The following PRELID2 variants were observed in gnomAD, a reference collection of about 807,000 sequenced individuals.
PRELID2 encodes the protein PRELI domain containing 2.
Under a neutral mutation model 28.4 loss-of-function variants are expected in PRELID2, and 25 were observed. The observed-to-expected ratio is 0.88, with a 90% CI of 0.64 to 1.23. PRELID2 has a LOEUF of 1.23. Among genes scored for constraint, PRELID2 ranks in the 50% most tolerant of loss-of-function variants. The pLI is 0.00. For missense variants in PRELID2, 201 were observed against 214.4 expected (o/e 0.94, Z 0.39); for synonymous variants, 76 against 71.6 (o/e 1.06, Z -0.31).
the PRELID2 span, among the ~76,000 whole-genome samples, chr5:145,385,821 C>G: frequency 6.6e-6 from 1 of 152,056 alleles, no homozygotes; most frequent in Non-Finnish European, 1.5e-5. Flanking sequence ...TTTATGAATT[C>G]TTCATAAAGC....
intron 1 of PRELID2, among the ~76,000 whole-genome samples, chr5:145,641,345 G>T (rs1055513666): frequency 6.6e-6 from 1 of 152,238 alleles, no homozygotes; most frequent in South Asian, 2.1e-4. Flanking sequence ...AGGTCTTAAA[G>T]AGAGAAAATC....
intron 5 of PRELID2, among the ~76,000 whole-genome samples, chr5:145,787,256 A>T (rs1026816790): frequency 6.6e-6 from 1 of 152,258 alleles, no homozygotes; most frequent in African/African-American, 2.4e-5. Flanking sequence ...GGCTAAAAAA[A>T]GAATGCTTGC....
chr5:145,440,845 A>T, the PRELID2 span: 4 of 152,058 alleles, frequency 2.6e-5, no homozygotes, highest in Non-Finnish European at 5.9e-5. Flanking sequence ...GGAAAATTAT[A>T]CATCTCAACA....
At chr5:145,371,296 C>T in the PRELID2 span, among the ~76,000 whole-genome samples, 60 of 152,104 alleles carry the variant, frequency 3.9e-4, no homozygotes, top group Non-Finnish European at 7.8e-4. Context: ...CCATTAATAC[C>T]TAGTTTATTG....
intron 1 of PRELID2, among the ~76,000 whole-genome samples, chr5:145,610,872 T>C (rs567980861): frequency 3.9e-5 from 6 of 152,010 alleles, no homozygotes; most frequent in African/African-American, 1.4e-4. Context: ...ATTCTTCTTT[T>C]TGAAATCAGG....
At chr5:145,264,100 T>C in the PRELID2 span, among the ~76,000 whole-genome samples, 1 of 152,092 alleles carries the variant, frequency 6.6e-6, no homozygotes, top group African/African-American at 2.4e-5. Flanking sequence ...ATCCTATCAA[T>C]GCTATTCTAA....
the PRELID2 span, among the ~76,000 whole-genome samples, chr5:145,374,826 T>C: frequency 1.3e-5 from 2 of 152,202 alleles, no homozygotes; most frequent in Non-Finnish European, 2.9e-5. Context: ...GTTTTTCAGC[T>C]CCATCAGGTC....
chr5:145,743,392 T>C (rs1338810003), intron 1 of PRELID2, among the ~76,000 whole-genome samples: 3 of 121,522 alleles, frequency 2.5e-5, no homozygotes, highest in African/African-American at 9.8e-5. Flanking sequence ...GACTGGGCAA[T>C]GAGAGTGAAA....
intron 1 of PRELID2, among the ~76,000 whole-genome samples, chr5:145,553,567 T>C (rs1752855939): frequency 6.6e-6 from 1 of 152,210 alleles, no homozygotes; most frequent in Non-Finnish European, 1.5e-5. Context: ...ACAATTAAAG[T>C]ACCCATCACT....
intron 1 of PRELID2, among the ~76,000 whole-genome samples, chr5:145,560,936 G>C (rs1752920309): frequency 6.6e-6 from 1 of 151,876 alleles, no homozygotes; most frequent in South Asian, 2.1e-4. Flanking sequence ...ACAGCTGTCT[G>C]TTTACCATCC....
At chr5:145,691,385 C>T (rs1654142) in intron 1 of PRELID2, among the ~76,000 whole-genome samples, 151,320 of 152,310 alleles carry the variant, frequency 0.99, 75,171 homozygotes, top group Middle Eastern at 1. Context: ...CAAGCCTAAC[C>T]GTAGAATCCC....
chr5:145,690,206 C>T (rs1231307509), intron 1 of PRELID2, among the ~76,000 whole-genome samples: 3 of 151,926 alleles, frequency 2.0e-5, no homozygotes, highest in Admixed American at 1.3e-4. Context: ...TGCCCCCGGC[C>T]GGTCTTGAAC....
intron 1 of PRELID2, among the ~76,000 whole-genome samples, chr5:145,592,244 G>A (rs867725943): frequency 1.3e-5 from 2 of 151,938 alleles, no homozygotes; most frequent in African/African-American, 4.8e-5. Flanking sequence ...GCGAAACCCC[G>A]TTTCTACTAA....
At chr5:145,639,685 A>G (rs1465021246) in intron 1 of PRELID2, among the ~76,000 whole-genome samples, 2 of 152,280 alleles carry the variant, frequency 1.3e-5, no homozygotes, top group East Asian at 1.9e-4. Context: ...CAATGTTGGG[A>G]AAGTGCGTTG....
At chr5:145,406,801 G>A in the PRELID2 span, among the ~76,000 whole-genome samples, 36 of 151,198 alleles carry the variant, frequency 2.4e-4, no homozygotes, top group Non-Finnish European at 4.0e-4. Flanking sequence ...ATTCCCACTG[G>A]AGAATCTGAA....
At chr5:145,557,674 T>A (rs1473496805) in intron 1 of PRELID2, among the ~76,000 whole-genome samples, 1 of 152,192 alleles carries the variant, frequency 6.6e-6, no homozygotes, top group Admixed American at 6.5e-5. Flanking sequence ...GCCAGGTAAC[T>A]GTCTAAATGC....
chr5:145,335,618 A>G, the PRELID2 span, among the ~76,000 whole-genome samples: 17 of 152,218 alleles, frequency 1.1e-4, no homozygotes, highest in African/African-American at 4.1e-4. Context: ...ACAAGAAACA[A>G]AAAGGGAAAA....
the PRELID2 span, among the ~76,000 whole-genome samples, chr5:145,414,506 T>C: frequency 5.3e-3 from 813 of 152,310 alleles, 18 homozygotes; most frequent in Admixed American, 4.3e-3. Context: ...TCTCAGTCTG[T>C]GAAGACAGAA....
chr5:145,818,967 G>A (rs1192047335), intron 3 of PRELID2, among the ~76,000 whole-genome samples: 1 of 152,084 alleles, frequency 6.6e-6, no homozygotes, highest in Admixed American at 6.6e-5. Context: ...ACGGGGGCGG[G>A]TTTTCCTGTG....
Sources: allele counts gnomAD v4.1 joint callset (sites outside exome capture counted in the v4.1 genomes callset), GRCh38; gene constraint gnomAD v4.1.1; transcripts MANE v1.5; gene names NCBI Gene and HGNC (gene_info 2026-07-23, HGNC 2026-07-21).